Variants in SPOCK1 observed in about 807,000 individuals in gnomAD.
SPOCK1 encodes the protein testican-1.
In SPOCK1, 23 loss-of-function variants were observed where a neutral mutation model predicts 55.3. That is an observed-to-expected ratio of 0.42 (90% CI 0.30 to 0.59). The LOEUF (loss-of-function observed/expected upper bound fraction) is 0.59, where lower values mean the gene tolerates loss of function less well. Ranked by LOEUF, SPOCK1 falls within the 20% of genes least tolerant of loss-of-function variation. The pLI is 0.22. For synonymous variants in SPOCK1, 226 were observed against 221.0 expected (o/e 1.02, Z -0.20); for missense variants, 499 against 552.5 (o/e 0.90, Z 0.97).
intron 3 of SPOCK1, among the ~76,000 whole-genome samples, chr5:137,250,530 G>A (rs1361116765): frequency 6.6e-6 from 1 of 152,150 alleles, no homozygotes; most frequent in Admixed American, 6.5e-5. Flanking sequence ...GTTCATAGAA[G>A]TGGGGGAAGC....
chr5:137,258,805 A>G (rs918693671), intron 3 of SPOCK1, among the ~76,000 whole-genome samples: 1 of 152,216 alleles, frequency 6.6e-6, no homozygotes, highest in Non-Finnish European at 1.5e-5. Context: ...GCAGTGCCCC[A>G]TAATTGTAGG....
At chr5:137,317,048 C>A (rs1467158413) in intron 2 of SPOCK1, among the ~76,000 whole-genome samples, 2 of 152,138 alleles carry the variant, frequency 1.3e-5, no homozygotes, top group Non-Finnish European at 2.9e-5. Flanking sequence ...ATCAAGCAGC[C>A]CACCTTCTTC....
intron 2 of SPOCK1, among the ~76,000 whole-genome samples, chr5:137,482,745 C>T (rs1753976801): frequency 6.6e-6 from 1 of 152,150 alleles, no homozygotes; most frequent in South Asian, 2.1e-4. Context: ...ACAGATACTA[C>T]CCAAGATGTG....
At chr5:137,239,078 T>C (rs2127098879) in intron 3 of SPOCK1, among the ~76,000 whole-genome samples, 1 of 152,330 alleles carries the variant, frequency 6.6e-6, no homozygotes, top group Non-Finnish European at 1.5e-5. Flanking sequence ...GAGCCAACCA[T>C]GTGATTAAAA....
chr5:137,413,370 T>A (rs1004821957), intron 2 of SPOCK1, among the ~76,000 whole-genome samples: 8 of 152,218 alleles, frequency 5.3e-5, no homozygotes, highest in Admixed American at 5.2e-4. Flanking sequence ...AAACCACACA[T>A]GCACCATAAT....
chr5:136,979,145 T>C (rs547641480), intron 10 of SPOCK1, among the ~76,000 whole-genome samples, 187 bp downstream of exon 10: 4 of 152,326 alleles, frequency 2.6e-5, no homozygotes, highest in African/African-American at 9.6e-5. Flanking sequence ...CTGGTCATAG[T>C]GAGTTCCTGC....
intron 3 of SPOCK1, among the ~76,000 whole-genome samples, chr5:137,142,909 A>T (rs961010760): frequency 1.3e-5 from 2 of 152,222 alleles, no homozygotes; most frequent in Non-Finnish European, 2.9e-5. Flanking sequence ...CTCTCCAAGA[A>T]TCATTCAAAA....
At chr5:137,011,697 C>G (rs1751351890) in intron 6 of SPOCK1, among the ~76,000 whole-genome samples, 1 of 152,194 alleles carries the variant, frequency 6.6e-6, no homozygotes, top group Non-Finnish European at 1.5e-5. Flanking sequence ...CCCAGAAGAG[C>G]AACCTTATAA....
chr5:137,434,167 GT>G (rs1272243824), intron 2 of SPOCK1, among the ~76,000 whole-genome samples: 4 of 152,168 alleles, frequency 2.6e-5, no homozygotes, highest in Non-Finnish European at 5.9e-5. Flanking sequence ...CCGAACACTG[GT>G]TTTTAAAAGC....
intron 2 of SPOCK1, chr5:137,365,451 T>C (rs1414604646): frequency 1.3e-5 from 2 of 152,196 alleles, no homozygotes; most frequent in African/African-American, 4.8e-5. Context: ...TAGCCTCTCT[T>C]CCCTAGAAGT....
At chr5:136,996,146 G>A (rs975075959) in intron 6 of SPOCK1, among the ~76,000 whole-genome samples, 6 of 152,224 alleles carry the variant, frequency 3.9e-5, no homozygotes, top group Non-Finnish European at 8.8e-5. Flanking sequence ...CCCAATAAAG[G>A]TGTGAACAGG....
intron 3 of SPOCK1, among the ~76,000 whole-genome samples, chr5:137,145,293 T>C (rs1754170711): frequency 6.6e-6 from 1 of 152,250 alleles, no homozygotes; most frequent in South Asian, 2.1e-4. Context: ...TTAAGCTCAC[T>C]ACTTGGTCTC....
At chr5:137,337,282 G>C (rs374597298) in intron 2 of SPOCK1, among the ~76,000 whole-genome samples, 6 of 152,198 alleles carry the variant, frequency 3.9e-5, no homozygotes, top group African/African-American at 1.4e-4. Context: ...GGGACTATGA[G>C]GGAGAAAGCT....
At chr5:137,024,533 C>T (rs760439040) in intron 6 of SPOCK1, among the ~76,000 whole-genome samples, 3 of 150,328 alleles carry the variant, frequency 2.0e-5, no homozygotes, top group Non-Finnish European at 3.0e-5. Flanking sequence ...GTGGCTCTAA[C>T]ATTTGAACAT....
At chr5:137,449,496 G>C (rs1054035509) in intron 2 of SPOCK1, among the ~76,000 whole-genome samples, 2 of 152,188 alleles carry the variant, frequency 1.3e-5, no homozygotes, top group African/African-American at 2.4e-5. Flanking sequence ...GCATCACAGA[G>C]ATGGGCTCTG....
chr5:137,180,600 C>T (rs1339282155), intron 3 of SPOCK1, among the ~76,000 whole-genome samples: 3 of 152,230 alleles, frequency 2.0e-5, no homozygotes, highest in South Asian at 2.1e-4. Context: ...ACCAGGGGGT[C>T]GTTTGATTCC....
chr5:137,474,456 T>G (rs188568267), intron 2 of SPOCK1, among the ~76,000 whole-genome samples: 33 of 152,314 alleles, frequency 2.2e-4, no homozygotes, highest in African/African-American at 7.7e-4. Flanking sequence ...GAGCTCATAA[T>G]TTATAGCATT....
intron 2 of SPOCK1, among the ~76,000 whole-genome samples, chr5:137,434,648 C>T (rs989380923): frequency 6.6e-5 from 10 of 151,138 alleles, no homozygotes; most frequent in African/African-American, 1.5e-4. Flanking sequence ...TACAGGCGCC[C>T]GCCACCACGC....
intron 2 of SPOCK1, chr5:137,273,431 T>A (rs1038913403): frequency 1.1e-6 from 1 of 949,712 alleles, no homozygotes; most frequent in Non-Finnish European, 1.3e-6. Flanking sequence ...AAGAATCACA[T>A]CAAACAATAG....
Sources: allele counts gnomAD v4.1 joint callset (sites outside exome capture counted in the v4.1 genomes callset), GRCh38; gene constraint gnomAD v4.1.1; transcripts MANE v1.5; gene names NCBI Gene and HGNC (gene_info 2026-07-23, HGNC 2026-07-21).